Variants in POU6F2 observed in about 807,000 individuals in gnomAD.
POU6F2 encodes the protein POU domain, class 6, transcription factor 2.
Under a neutral mutation model 71.3 loss-of-function variants are expected in POU6F2, and 31 were observed. That is an observed-to-expected ratio of 0.43 (90% CI 0.33 to 0.59). POU6F2 has a LOEUF of 0.59. Among genes scored for constraint, POU6F2 ranks in the 20% least tolerant of loss-of-function variants. The pLI, the probability that POU6F2 is intolerant of heterozygous loss-of-function variation, is 0.04. For synonymous variants in POU6F2, 347 were observed against 355.7 expected, an observed-to-expected ratio of 0.98 and a Z score of 0.27; for missense variants, 783 against 856.8, an observed-to-expected ratio of 0.91 and a Z score of 1.07.
chr7:39,088,827 A>C (rs536975756), intron 2 of POU6F2, among the ~76,000 whole-genome samples: 3 of 152,142 alleles, frequency 2.0e-5, no homozygotes, highest in Non-Finnish European at 2.9e-5. Context: ...GTACTGTTCA[A>C]ATTAGCAGTC....
chr7:39,379,633 A>G (rs1786784802), intron 5 of POU6F2, among the ~76,000 whole-genome samples: 1 of 152,164 alleles, frequency 6.6e-6, no homozygotes, highest in African/African-American at 2.4e-5. Flanking sequence ...AGAGCCAGAC[A>G]GTCTACAAGC....
chr7:39,365,165 AT>A (rs1350263633), intron 5 of POU6F2, among the ~76,000 whole-genome samples: 1 of 152,224 alleles, frequency 6.6e-6, no homozygotes, highest in East Asian at 1.9e-4. Context: ...CCAAAACAGC[AT>A]GGTACTGGTA....
chr7:39,286,723 T>C (rs1784657013), intron 4 of POU6F2, among the ~76,000 whole-genome samples: 1 of 152,150 alleles, frequency 6.6e-6, no homozygotes. Flanking sequence ...GGATGCAAAT[T>C]AGTTTCATAG....
intron 2 of POU6F2, among the ~76,000 whole-genome samples, chr7:39,097,468 T>C (rs1791477689): frequency 6.6e-6 from 1 of 152,238 alleles, no homozygotes; most frequent in Admixed American, 6.5e-5. Flanking sequence ...TCTCCTTTGC[T>C]GTGAAGTGTT....
intron 4 of POU6F2, among the ~76,000 whole-genome samples, chr7:39,322,452 C>G (rs1785416972): frequency 6.6e-6 from 1 of 152,282 alleles, no homozygotes; most frequent in African/African-American, 2.4e-5. Flanking sequence ...TTTGGGTCAG[C>G]CCTTGGTTAG....
chr7:39,109,296 G>T (rs571969505), intron 2 of POU6F2, among the ~76,000 whole-genome samples: 1 of 152,096 alleles, frequency 6.6e-6, no homozygotes, highest in Non-Finnish European at 1.5e-5. Flanking sequence ...TCAGCCTCCC[G>T]AAGTGCTGGG....
At chr7:39,424,834 A>C (rs1787932019) in intron 6 of POU6F2, among the ~76,000 whole-genome samples, 1 of 152,078 alleles carries the variant, frequency 6.6e-6, no homozygotes, top group Non-Finnish European at 1.5e-5. Flanking sequence ...AAAAAAAAAA[A>C]ACACAACACC....
chr7:39,261,561 AC>A (rs1267075641), intron 4 of POU6F2, among the ~76,000 whole-genome samples: 4 of 152,164 alleles, frequency 2.6e-5, no homozygotes, highest in Non-Finnish European at 5.9e-5. Context: ...ACCGTTATCA[AC>A]CCTGTTTTAC....
intron 1 of POU6F2, among the ~76,000 whole-genome samples, chr7:38,981,082 C>A (rs558291097): frequency 6.4e-4 from 98 of 152,310 alleles, no homozygotes; most frequent in African/African-American, 2.2e-3. Flanking sequence ...GAAATCAAAT[C>A]AGATTTCTGA....
intron 2 of POU6F2, among the ~76,000 whole-genome samples, chr7:39,134,546 T>C (rs1024164087): frequency 3.3e-5 from 5 of 152,246 alleles, no homozygotes; most frequent in Non-Finnish European, 7.3e-5. Context: ...GTCTTGAAAG[T>C]GTGGTCTAAA....
intron 2 of POU6F2, among the ~76,000 whole-genome samples, chr7:39,108,049 G>C (rs932582416): frequency 4.6e-5 from 7 of 152,190 alleles, no homozygotes; most frequent in African/African-American, 1.7e-4. Context: ...CAACACAATG[G>C]GCTATAACTG....
intron 4 of POU6F2, among the ~76,000 whole-genome samples, chr7:39,253,957 T>A (rs1783971921): frequency 6.6e-6 from 1 of 152,098 alleles, no homozygotes; most frequent in African/African-American, 2.4e-5. Flanking sequence ...CTATAAGGAG[T>A]TGTCATAAGC....
At position 39,236,944 on chromosome 7, in the gene POU6F2, G is replaced by T. The variant is rs190575513; in HGVS notation, c.598+29324G>T. ...GGAAGATCTTGGCTTTTGTGATTTG[G>T]TGTATAAGAGAATTGGAAGATATAA... On this transcript the variant is annotated intron_variant, in intron 4 of 9. Transcript: ENST00000518318. Among the ~76,000 whole-genome samples, 434 of 152,280 alleles carry T rather than the reference G, an allele frequency of 2.9e-3. 2 individuals are homozygous for T. The highest frequency in any genetic ancestry group is 9.7e-3 in the African/African-American group (402 of 41,568).
At chr7:39,278,256 G>A (rs1450268742) in intron 4 of POU6F2, among the ~76,000 whole-genome samples, 2 of 152,070 alleles carry the variant, frequency 1.3e-5, no homozygotes, top group Non-Finnish European at 2.9e-5. Flanking sequence ...GGACACTTTG[G>A]CATCACTGTG....
At chr7:38,997,582 G>C (rs947784315) in intron 1 of POU6F2, among the ~76,000 whole-genome samples, 16 of 152,132 alleles carry the variant, frequency 1.1e-4, no homozygotes, top group African/African-American at 3.6e-4. Flanking sequence ...TCCCCTTGAT[G>C]ATGACCTCTA....
At chr7:39,153,032 G>T (rs1327689781) in intron 2 of POU6F2, among the ~76,000 whole-genome samples, 1 of 152,148 alleles carries the variant, frequency 6.6e-6, no homozygotes, top group Non-Finnish European at 1.5e-5. Context: ...CTCAAGTGAG[G>T]TCTCTTGGGA....
chr7:39,272,753 A>G (rs1443469943), intron 4 of POU6F2, among the ~76,000 whole-genome samples: 4 of 152,172 alleles, frequency 2.6e-5, no homozygotes, highest in African/African-American at 4.8e-5. Context: ...TTTAAGCAGA[A>G]AGGATAATAA....
chr7:39,310,200 A>G (rs749639703), intron 4 of POU6F2, among the ~76,000 whole-genome samples: 29 of 152,232 alleles, frequency 1.9e-4, no homozygotes, highest in African/African-American at 6.3e-4. Flanking sequence ...AAAGAAAAAA[A>G]TCTTGTAAAG....
At chr7:39,368,482 C>T (rs138605752) in intron 5 of POU6F2, among the ~76,000 whole-genome samples, 70 of 151,784 alleles carry the variant, frequency 4.6e-4, no homozygotes, top group African/African-American at 1.4e-3. Flanking sequence ...AAAGTCAAGG[C>T]GAAGCAGCAA....
Sources: allele counts gnomAD v4.1 joint callset (sites outside exome capture counted in the v4.1 genomes callset), GRCh38; gene constraint gnomAD v4.1.1; transcripts MANE v1.5; gene names NCBI Gene and HGNC (gene_info 2026-07-23, HGNC 2026-07-21).